The following CHD8 variants were observed in gnomAD, a reference collection of about 807,000 sequenced individuals.
CHD8 encodes the protein ATP-dependent chromatin remodeler CHD8.
A neutral mutation model predicts 279.2 loss-of-function variants in CHD8; 31 were observed. The ratio of observed to expected loss-of-function variants is 0.11; its 90% CI spans 0.08 to 0.15. The LOEUF (loss-of-function observed/expected upper bound fraction) is 0.15. Ranked by LOEUF, CHD8 falls within the 10% of genes least tolerant of loss-of-function variation. CHD8 has a pLI of 1.00. For missense variants in CHD8, 2,146 were observed against 3,230.5 expected (o/e 0.66, Z 8.14); for synonymous variants, 1,081 against 1,139.6 (o/e 0.95, Z 1.04).
In CHD8 at chr14:21,417,829, G is replaced by A. The variant is rs1213211242; in HGVS notation, c.1717-1922C>T. The stretch of plus-strand genomic sequence containing the variant: ...AGATCGCGCCACTGCACTCCAGCCT[G>A]GGAGACACAGTGAGACTCTCTCAAA... On this transcript the variant is annotated intron_variant, in intron 5 of 37. Transcript: ENST00000646647. Among the ~76,000 whole-genome samples, 14 of 142,962 alleles carry A rather than the reference G, an allele frequency of 9.8e-5. No homozygotes were observed. The East Asian group carries it at 2.8e-3, about 29-fold the overall frequency. The allele number at this position is 142,962 out of a possible 152,430, so 93.8% of individuals were successfully genotyped here.
intron 4 of CHD8, chr14:21,426,878 T>G (rs576357016): frequency 6.6e-6 from 1 of 152,404 alleles, no homozygotes; most frequent in South Asian, 2.1e-4. Flanking sequence ...AATCTCCAAT[T>G]CACAGAAGAG....
At position 21,428,272 on chromosome 14, in the gene CHD8, C is replaced by T. The variant is rs1188459020; in HGVS notation, c.1216-18G>A. On this transcript the variant is annotated intron_variant, in intron 3 of 37. Transcript: ENST00000646647. The stretch of plus-strand genomic sequence containing the variant: ...GAGCCAGCCTATAGAAACAAAGATA[C>T]TACAATTTCAACTTGCTTGTAGTTA... 1 of 1,605,842 alleles carries T rather than the reference C, an allele frequency of 6.2e-7. No homozygotes were observed. The highest frequency in any genetic ancestry group is 8.5e-7 in the Non-Finnish European group (1 of 1,175,574).
intron 37 of CHD8, among the ~76,000 whole-genome samples, chr14:21,387,137 T>A (rs1210656759): frequency 8.5e-5 from 13 of 152,218 alleles, no homozygotes. Flanking sequence ...AAGATAGAAG[T>A]TATTCCTGCA....
chr14:21,385,320 G>C lies in CHD8; in HGVS notation c.*293C>G. On this transcript the variant is annotated 3_prime_UTR_variant, in exon 38 of 38. Coordinates refer to ENST00000646647, the MANE Select transcript of CHD8 (RefSeq NM_001170629.2). ...CAGAGGCTAGGGCCAGCGCTACATA[G>C]TCTGTGGTTAATGGAGGTGACTAGG... 1 of 430,838 alleles carries C rather than the reference G, an allele frequency of 2.3e-6. No individual in the cohort carries two copies. Among genetic ancestry groups the C allele is most frequent in the Non-Finnish European group, 4.1e-6 (1 of 242,458 alleles). 26.7% of individuals were successfully genotyped at this position (430,838 alleles called of 1,614,324 possible). A position where few individuals can be genotyped will look rare whatever the true frequency, so the allele number is the denominator to read the frequency against.
rs1011175921 is a variant in CHD8 at position 21,449,406 on chromosome 14, C to G, written c.-216+6626G>C. Among the ~76,000 whole-genome samples the G allele has an allele frequency of 2.6e-5, 4 of 152,252 alleles. No homozygotes were observed. The East Asian group carries it at 7.7e-4, about 29-fold the overall frequency. On this transcript the variant is annotated intron_variant, in intron 1 of 37. Coordinates refer to ENST00000646647, the MANE Select transcript of CHD8 (RefSeq NM_001170629.2). The stretch of plus-strand genomic sequence containing the variant: ...CAAATAAAAAGGAATTTATTATTCT[C>G]CATCCAATATCTTAAAACAGTACCA...
intron 1 of CHD8, among the ~76,000 whole-genome samples, chr14:21,432,486 A>AT: frequency 6.6e-6 from 1 of 152,200 alleles, no homozygotes; most frequent in East Asian, 1.9e-4. Flanking sequence ...CATATTTAAG[A>AT]TAAAAAAGGT....
chr14:21,421,154 T>C (rs1207899852), intron 5 of CHD8, among the ~76,000 whole-genome samples: 1 of 152,116 alleles, frequency 6.6e-6, no homozygotes, highest in Non-Finnish European at 1.5e-5. Context: ...TAAAGCACAA[T>C]AATCATGACC....
At chr14:21,401,638 A>C in intron 20 of CHD8, 125 bp from the exon 21 acceptor site, 1 of 639,316 alleles carries the variant, frequency 1.6e-6, no homozygotes. Context: ...AGGCTGGGGT[A>C]CAGTGGCACG....
rs1215726918 is a variant in CHD8, at chr14:21,406,958, A to G, written c.2805T>C (p.Pro935=). The stretch of plus-strand genomic sequence containing the variant: ...AACGCCATTCAATTTCACGAAGCTC[A>G]GGACAATCTGACAAAATCATCTCAA... ...TTFEMILSDC[P]ELREIEWRCV... is the part of the protein sequence containing the mutation. The change falls in exon 14 of 38, where the codon CCT becomes CCC. Residue 935 remains proline, a synonymous_variant. Coordinates refer to ENST00000646647, the MANE Select transcript of CHD8 (RefSeq NM_001170629.2). The G allele has an allele frequency of 4.3e-6, 7 of 1,610,278 alleles. No homozygotes were observed. The highest frequency in any genetic ancestry group is 1.7e-4 in the Middle Eastern group (1 of 6,058).
chr14:21,442,768 G>A (rs1388087503), intron 1 of CHD8, among the ~76,000 whole-genome samples: 8 of 22,456 alleles, frequency 3.6e-4, no homozygotes, highest in Non-Finnish European at 6.1e-4. Flanking sequence ...GGGGAGGAGA[G>A]GGGAGGAGAG....
At position 21,388,246 on chromosome 14, in the gene CHD8, A is replaced by G. The variant is rs116635895; in HGVS notation, c.7183-2070T>C. 6.9e-3 allele frequency among the ~76,000 whole-genome samples: 1,047 copies of G among 152,340 alleles called. 12 individuals are homozygous for G. Among genetic ancestry groups the G allele is most frequent in the African/African-American group, 0.023 (975 of 41,574 alleles). ...TCCATGTGGTTATATAGACACATAA[A>G]TATATGTGTATGCACATAGTCAGCC... is the stretch of plus-strand genomic sequence containing the variant. On this transcript the variant is annotated intron_variant, in intron 37 of 37. Coordinates refer to ENST00000646647, the MANE Select transcript of CHD8 (RefSeq NM_001170629.2).
rs1888332077 is a variant in CHD8, at chr14:21,408,129, ATAGCAAAG to A, written c.2730+175_2730+182del. On this transcript the variant is annotated intron_variant, in intron 13 of 37. Coordinates refer to ENST00000646647, the MANE Select transcript of CHD8 (RefSeq NM_001170629.2). This position sits in a 1 kb window ranked among gnomAD's most constrained non-coding sequence, Gnocchi z 4.3. ...ATCAAATGTCTACTAGGTAAAAAAAATAGCAAAGTCAAAAAAATGCCCTGCACACTGCT... is the reference window on the plus strand; with the variant it reads ...ATCAAATGTCTACTAGGTAAAAAAAATCAAAAAAATGCCCTGCACACTGCT... Among the ~76,000 whole-genome samples, 1 of 152,220 alleles carries A rather than the reference ATAGCAAAG, an allele frequency of 6.6e-6. No homozygotes were observed. Among genetic ancestry groups the A allele is most frequent in the African/African-American group, 2.4e-5 (1 of 41,452 alleles).
intron 2 of CHD8, chr14:21,429,540 G>C (rs1889476467): frequency 1.4e-6 from 1 of 705,222 alleles, no homozygotes; most frequent in African/African-American, 1.7e-5. Context: ...GCCCAGGCTA[G>C]AGTGCAGTGG....
At chr14:21,386,308 G>A (rs1192610733) in intron 37 of CHD8, 132 bp from the exon 38 acceptor site, 21 of 786,220 alleles carry the variant, frequency 2.7e-5, no homozygotes, top group Admixed American at 1.4e-4. Context: ...CAAGCACAGC[G>A]ATACTAGGCT....
At chr14:21,421,578 A>G (rs534486574) in intron 5 of CHD8, among the ~76,000 whole-genome samples, 25 of 152,154 alleles carry the variant, frequency 1.6e-4, no homozygotes, top group Non-Finnish European at 3.2e-4. Flanking sequence ...AATGAAATTA[A>G]CATTCTAAAT....
intron 5 of CHD8, among the ~76,000 whole-genome samples, chr14:21,419,000 T>C (rs898894982): frequency 6.6e-6 from 1 of 152,222 alleles, no homozygotes; most frequent in East Asian, 1.9e-4. Context: ...GTAACTTCGA[T>C]ACATTTGTCA....
At chr14:21,399,480 A>C in intron 26 of CHD8, 122 bp downstream of exon 26, 1 of 704,122 alleles carries the variant, frequency 1.4e-6, no homozygotes, top group East Asian at 2.7e-5. Flanking sequence ...CTACTTTCCT[A>C]CTCAAATTTA....
intron 1 of CHD8, among the ~76,000 whole-genome samples, chr14:21,438,962 A>G (rs1889888198): frequency 6.6e-6 from 1 of 151,994 alleles, no homozygotes; most frequent in Non-Finnish European, 1.5e-5. Flanking sequence ...CCCCATCTCT[A>G]CTAAAAATAC....
chr14:21,431,655 A>T lies in CHD8; in HGVS notation c.-12T>A. ...ATGGGGTCTGCCATCTTGGGAAAGT[A>T]ATGGAGGGTACTTCTCCAAGGTCTA... On this transcript the variant is annotated 5_prime_UTR_variant, in exon 2 of 38. Transcript: ENST00000646647. The T allele has an allele frequency of 1.3e-6, 2 of 1,553,066 alleles. No individual in the cohort carries two copies. Among genetic ancestry groups the T allele is most frequent in the Non-Finnish European group, 1.7e-6 (2 of 1,152,008 alleles).
Sources: allele counts gnomAD v4.1 joint callset (sites outside exome capture counted in the v4.1 genomes callset), GRCh38; gene constraint gnomAD v4.1.1; non-coding constraint Gnocchi (gnomAD v3.1); transcripts MANE v1.5; gene names NCBI Gene and HGNC (gene_info 2026-07-23, HGNC 2026-07-21).